PDE7B: variants seen among roughly 807,000 people sequenced by gnomAD.
PDE7B encodes phosphodiesterase 7B, also known as 3',5'-cyclic-AMP phosphodiesterase 7B.
Under a neutral mutation model 56.2 loss-of-function variants are expected in PDE7B, and 29 were observed. The observed-to-expected ratio is 0.52, with a 90% confidence interval of 0.38 to 0.70. The LOEUF (loss-of-function observed/expected upper bound fraction) is 0.70, where lower values mean the gene tolerates loss of function less well. Among genes scored for constraint, PDE7B ranks in the 30% least tolerant of loss-of-function variants. The pLI is 0.00. For missense variants in PDE7B, 490 were observed against 565.0 expected (o/e 0.87, Z 1.35); for synonymous variants, 197 against 196.9 (o/e 1.00, Z 0.00).
At chr6:135,965,233 A>C (rs762525640) in intron 2 of PDE7B, among the ~76,000 whole-genome samples, 5 of 152,216 alleles carry the variant, frequency 3.3e-5, no homozygotes, top group South Asian at 2.1e-4. Flanking sequence ...ATCTGTGAGA[A>C]ATGGAGTAAC....
intron 11 of PDE7B, among the ~76,000 whole-genome samples, chr6:136,183,072 C>CCAA (rs1445828336): frequency 2.0e-4 from 10 of 50,526 alleles, no homozygotes; most frequent in African/African-American, 7.1e-4. Context: ...ACTCCGTCTC[C>CCAA]AAAAAAAAAA....
At chr6:136,055,875 G>T (rs541516309) in intron 2 of PDE7B, among the ~76,000 whole-genome samples, 1 of 152,296 alleles carries the variant, frequency 6.6e-6, no homozygotes, top group East Asian at 1.9e-4. Flanking sequence ...TTGCTCCTTT[G>T]TACAAAGAAC....
chr6:135,929,844 C>A (rs1774261269), intron 1 of PDE7B, among the ~76,000 whole-genome samples: 1 of 152,044 alleles, frequency 6.6e-6, no homozygotes, highest in African/African-American at 2.4e-5. Flanking sequence ...ACCTGAAGGG[C>A]AGATAAGGGG....
chr6:136,000,613 G>GT lies in PDE7B; in HGVS notation c.82+53096dup, dbSNP rs201382935. 8.5e-5 allele frequency among the ~76,000 whole-genome samples: 13 copies of GT among 152,226 alleles called. No individual in the cohort carries two copies. The South Asian group carries it at 1.0e-3, about 12-fold the overall frequency. On this transcript the variant is annotated intron_variant, in intron 2 of 12. Transcript: ENST00000308191. Reference sequence around the variant, plus strand: ...TTTTGTTCCATGTATCTATGTATCTGTTTTTTTGTACTAGTACCATGCTGT... The same window carrying GT: ...TTTTGTTCCATGTATCTATGTATCTGTTTTTTTTGTACTAGTACCATGCTGT...
At chr6:135,962,695 G>A (rs1774924106) in intron 2 of PDE7B, among the ~76,000 whole-genome samples, 1 of 152,114 alleles carries the variant, frequency 6.6e-6, no homozygotes, top group Non-Finnish European at 1.5e-5. Flanking sequence ...AAATAGAGAG[G>A]TGGTTGTGAC....
chr6:136,111,550 A>G (rs1777748264), intron 3 of PDE7B, among the ~76,000 whole-genome samples: 1 of 152,238 alleles, frequency 6.6e-6, no homozygotes, highest in South Asian at 2.1e-4. Flanking sequence ...GCTTGTCACC[A>G]TGGAGCAGAG....
intron 2 of PDE7B, among the ~76,000 whole-genome samples, chr6:136,009,476 G>A (rs1775850584): frequency 1.3e-5 from 2 of 152,070 alleles, no homozygotes; most frequent in South Asian, 4.1e-4. Context: ...AGCATGGAAT[G>A]TTCTTCCATT....
At chr6:136,035,095 T>C (rs1429801279) in intron 2 of PDE7B, 2 of 152,222 alleles carry the variant, frequency 1.3e-5, no homozygotes, top group African/African-American at 2.4e-5. Flanking sequence ...TAATTACTGA[T>C]ATTAACATGT....
chr6:135,928,483 T>TGATATATA (rs1774235103), intron 1 of PDE7B, among the ~76,000 whole-genome samples: 1 of 96,866 alleles, frequency 1.0e-5, no homozygotes, highest in Non-Finnish European at 2.1e-5. Context: ...ATATATATAT[T>TGATATATA]TATTTATATA....
intron 2 of PDE7B, among the ~76,000 whole-genome samples, chr6:136,016,080 C>A (rs992162359): frequency 6.6e-6 from 1 of 152,110 alleles, no homozygotes; most frequent in Non-Finnish European, 1.5e-5. Context: ...TTATAATTTA[C>A]TCTTACAGGA....
chr6:135,940,265 C>T (rs1305161516), intron 1 of PDE7B, among the ~76,000 whole-genome samples: 1 of 152,166 alleles, frequency 6.6e-6, no homozygotes, highest in African/African-American at 2.4e-5. Flanking sequence ...AGACTCAGGC[C>T]TGCGGTCATG....
chr6:135,972,558 C>T (rs1353170724), intron 2 of PDE7B, among the ~76,000 whole-genome samples: 2 of 152,184 alleles, frequency 1.3e-5, no homozygotes, highest in Non-Finnish European at 2.9e-5. Context: ...CTACCTCCCT[C>T]TTCCTGCTGC....
intron 2 of PDE7B, among the ~76,000 whole-genome samples, chr6:135,987,031 T>G (rs1775387866): frequency 6.6e-6 from 1 of 152,188 alleles, no homozygotes; most frequent in African/African-American, 2.4e-5. Context: ...TTTCTGTTAT[T>G]AAAGGAGGGT....
intron 7 of PDE7B, 46 bp downstream of exon 7, chr6:136,154,221 G>C: frequency 8.2e-7 from 1 of 1,213,416 alleles, no homozygotes; most frequent in Non-Finnish European, 1.2e-6. Context: ...GAAATGCCAA[G>C]GAAACTACCT....
rs182904730 is a variant in PDE7B, at chr6:136,056,812, G to A, written c.83-51919G>A. On this transcript the variant is annotated intron_variant, in intron 2 of 12. Coordinates refer to ENST00000308191, the MANE Select transcript of PDE7B (RefSeq NM_018945.4). ...CTCCCAAAGTGCTGGGATTACAGGC[G>A]TGAGCCACCGCGCTTGGCCGACTCC... Among the ~76,000 whole-genome samples, 7 of 152,192 alleles carry A rather than the reference G, an allele frequency of 4.6e-5. No homozygotes were observed. In the East Asian group the frequency reaches 5.8e-4, roughly 13 times the overall value.
At chr6:136,011,841 G>A (rs993248384) in intron 2 of PDE7B, among the ~76,000 whole-genome samples, 1 of 152,104 alleles carries the variant, frequency 6.6e-6, no homozygotes, top group Non-Finnish European at 1.5e-5. Flanking sequence ...AAAAAAAAAG[G>A]AGAAGTTTCA....
At chr6:136,010,351 G>T (rs1160324839) in intron 2 of PDE7B, among the ~76,000 whole-genome samples, 2 of 149,734 alleles carry the variant, frequency 1.3e-5, no homozygotes, top group South Asian at 2.1e-4. Flanking sequence ...CCTGCAGGGG[G>T]TATGGCTAGG....
At chr6:135,862,040 A>G (rs945954323) in intron 1 of PDE7B, among the ~76,000 whole-genome samples, 1 of 151,894 alleles carries the variant, frequency 6.6e-6, no homozygotes, top group Non-Finnish European at 1.5e-5. Context: ...CATAGAGGTA[A>G]TCAGAGCATC....
chr6:135,859,072 A>G (rs2128184157), intron 1 of PDE7B, among the ~76,000 whole-genome samples: 1 of 151,830 alleles, frequency 6.6e-6, no homozygotes, highest in African/African-American at 2.4e-5. Context: ...AAAAAAAAAA[A>G]AGACCTTCAT....
Sources: gnomAD v4.1 joint callset for allele counts (sites outside exome capture counted in the v4.1 genomes callset) on GRCh38, gnomAD v4.1.1 for gene constraint, MANE v1.5 for transcripts, NCBI Gene and HGNC (gene_info 2026-07-23, HGNC 2026-07-21) for gene names.